Variants in TLL1 observed in about 807,000 individuals in gnomAD.
TLL1 encodes the protein tolloid-like protein 1.
A neutral mutation model predicts 128.2 loss-of-function variants in TLL1; 49 were observed. That is an observed-to-expected ratio of 0.38 (90% CI 0.30 to 0.48). The LOEUF (loss-of-function observed/expected upper bound fraction) is 0.48. TLL1 is among the 20% of genes least tolerant of loss of function. The pLI is 0.96. For synonymous variants in TLL1, 454 were observed against 418.8 expected (o/e 1.08, Z -1.03); for missense variants, 1,123 against 1,242.0 (o/e 0.90, Z 1.44).
intron 1 of TLL1, among the ~76,000 whole-genome samples, chr4:165,898,981 A>G (rs141127427): frequency 1.6e-4 from 24 of 152,216 alleles, no homozygotes; most frequent in African/African-American, 5.3e-4. Context: ...CCAGGAATGT[A>G]TTCATTTCTT....
At chr4:165,999,607 C>G (rs1041347032) in intron 5 of TLL1, among the ~76,000 whole-genome samples, 3 of 151,666 alleles carry the variant, frequency 2.0e-5, no homozygotes, top group Admixed American at 6.6e-5. Context: ...CAGAGTCAAA[C>G]CATATCAGCC....
intron 8 of TLL1, among the ~76,000 whole-genome samples, chr4:166,018,118 TC>T (rs1433454109): frequency 6.6e-6 from 1 of 152,130 alleles, no homozygotes; most frequent in Non-Finnish European, 1.5e-5. Flanking sequence ...AGCTGAGTAT[TC>T]CTTTGGAGTT....
At chr4:165,953,539 A>T (rs544470033) in intron 1 of TLL1, among the ~76,000 whole-genome samples, 2 of 148,774 alleles carry the variant, frequency 1.3e-5, no homozygotes, top group South Asian at 4.3e-4. Flanking sequence ...AGAGATGTTA[A>T]CTGCAGTGGT....
intron 12 of TLL1, among the ~76,000 whole-genome samples, chr4:166,052,965 G>GTGTATATATATATATATATATA: frequency 0.012 from 1,234 of 99,616 alleles, 162 homozygotes; most frequent in African/African-American, 0.042. Context: ...GAGGTTATGT[G>GTGTATATATATATATATATATA]TATATATATA....
chr4:166,039,219 A>C (rs1579658224), intron 9 of TLL1, 120 bp from the exon 10 acceptor site: 1 of 708,462 alleles, frequency 1.4e-6, no homozygotes, highest in East Asian at 2.7e-5. Flanking sequence ...TAGTATAGAA[A>C]AACAATTAGC....
chr4:165,901,948 A>G (rs892014781), intron 1 of TLL1, among the ~76,000 whole-genome samples: 10 of 152,130 alleles, frequency 6.6e-5, no homozygotes, highest in African/African-American at 2.4e-4. Context: ...CTGCCCAGAG[A>G]GGAGGAATCT....
chr4:165,970,957 C>A (rs1735603341), intron 1 of TLL1, among the ~76,000 whole-genome samples: 1 of 152,200 alleles, frequency 6.6e-6, no homozygotes, highest in Non-Finnish European at 1.5e-5. Flanking sequence ...AGGTGGCTGG[C>A]ACAACTTCCA....
At chr4:165,914,022 CAA>C (rs113774671) in intron 1 of TLL1, among the ~76,000 whole-genome samples, 2 of 140,572 alleles carry the variant, frequency 1.4e-5, no homozygotes, top group Admixed American at 7.2e-5. Context: ...ACCTTGTCTC[CAA>C]AAAAAAAAAG....
chr4:166,000,314 C>G (rs1223305792), intron 5 of TLL1, among the ~76,000 whole-genome samples: 1 of 152,160 alleles, frequency 6.6e-6, no homozygotes, highest in Non-Finnish European at 1.5e-5. Flanking sequence ...TAGTTATTTT[C>G]TTAATCTGAG....
At chr4:165,944,610 G>C (rs1301610297) in intron 1 of TLL1, among the ~76,000 whole-genome samples, 1 of 152,080 alleles carries the variant, frequency 6.6e-6, no homozygotes, top group Non-Finnish European at 1.5e-5. Context: ...GTGAATTTTA[G>C]AGTGTTTAAA....
At chr4:165,950,312 A>G (rs2110938588) in intron 1 of TLL1, among the ~76,000 whole-genome samples, 1 of 152,238 alleles carries the variant, frequency 6.6e-6, no homozygotes, top group South Asian at 2.1e-4. Flanking sequence ...AGAGAAATAC[A>G]CCATTGCATT....
Position 165,873,784 on chromosome 4 carries a change from C to A in TLL1, c.-121C>A. 8.8e-7 allele frequency: 1 copy of A among 1,138,760 alleles called. No homozygotes were observed. Among genetic ancestry groups the A allele is most frequent in the Non-Finnish European group, 1.3e-6 (1 of 773,260 alleles). 70.5% of individuals were successfully genotyped at this position (1,138,760 alleles called of 1,614,324 possible). On this transcript the variant is annotated 5_prime_UTR_variant, in exon 1 of 21. Transcript: ENST00000061240. The stretch of plus-strand genomic sequence containing the variant: ...TTTCCGGACACCTGAGCACCCCGGT[C>A]CCGCCGAGGAGCCTCCGGGTGGGGA...
intron 1 of TLL1, among the ~76,000 whole-genome samples, chr4:165,905,493 T>A (rs1278650689): frequency 6.6e-6 from 1 of 152,178 alleles, no homozygotes; most frequent in Non-Finnish European, 1.5e-5. Flanking sequence ...TATTATAATG[T>A]CTTGATTCAC....
chr4:165,987,459 G>A (rs1164674819), intron 1 of TLL1, among the ~76,000 whole-genome samples: 1 of 151,926 alleles, frequency 6.6e-6, no homozygotes, highest in Admixed American at 6.6e-5. Context: ...TCAATTTCAG[G>A]CATCAAAACC....
At chr4:165,904,757 CTT>C (rs1487830051) in intron 1 of TLL1, among the ~76,000 whole-genome samples, 1 of 152,112 alleles carries the variant, frequency 6.6e-6, no homozygotes, top group Non-Finnish European at 1.5e-5. Flanking sequence ...CAATTCACAT[CTT>C]TGATGAAGAC....
At chr4:165,891,226 A>C (rs979716109) in intron 1 of TLL1, among the ~76,000 whole-genome samples, 1 of 152,078 alleles carries the variant, frequency 6.6e-6, no homozygotes, top group East Asian at 1.9e-4. Flanking sequence ...TGCCATGAAG[A>C]CCTCTGACAT....
intron 19 of TLL1, 40 bp from the exon 20 acceptor site, chr4:166,099,237 C>T (rs1742166839): frequency 1.2e-6 from 2 of 1,612,884 alleles, no homozygotes; most frequent in Non-Finnish European, 8.5e-7. Flanking sequence ...CCCGTTAAAG[C>T]TCATTGACCT....
At chr4:166,002,396 T>A (rs77705215) in intron 5 of TLL1, among the ~76,000 whole-genome samples, 4,328 of 152,246 alleles carry the variant, frequency 0.028, 141 homozygotes, top group East Asian at 0.15. Context: ...CTGTTAACTT[T>A]ACTGTTAACC....
At chr4:166,061,865 T>G (rs1006145155) in intron 15 of TLL1, among the ~76,000 whole-genome samples, 1 of 152,270 alleles carries the variant, frequency 6.6e-6, no homozygotes, top group African/African-American at 2.4e-5. Flanking sequence ...AATATTTAAG[T>G]CTTTACTCCA....
Sources: allele counts gnomAD v4.1 joint callset (sites outside exome capture counted in the v4.1 genomes callset), GRCh38; gene constraint gnomAD v4.1.1; transcripts MANE v1.5; gene names NCBI Gene and HGNC (gene_info 2026-07-23, HGNC 2026-07-21).